Variants in PIP4K2B observed in about 807,000 individuals in gnomAD.
The protein encoded by PIP4K2B is phosphatidylinositol 5-phosphate 4-kinase type-2 beta.
In PIP4K2B, 3 loss-of-function variants were observed where a neutral mutation model predicts 42.0. That is an observed-to-expected ratio of 0.07 (90% confidence interval 0.03 to 0.18). PIP4K2B has a LOEUF of 0.18. PIP4K2B is among the 10% of genes least tolerant of loss of function. The probability of loss-of-function intolerance (pLI) is 1.00; values close to 1 mark genes in which losing one functional copy is unlikely to be tolerated. For missense variants in PIP4K2B, 332 were observed against 562.3 expected (o/e 0.59, Z 4.14); for synonymous variants, 204 against 210.1 (o/e 0.97, Z 0.25).
chr17:38,788,861 G>C (rs549803897), intron 1 of PIP4K2B, among the ~76,000 whole-genome samples: 1 of 139,398 alleles, frequency 7.2e-6, no homozygotes, highest in South Asian at 2.3e-4. Flanking sequence ...GCTGAGGCAG[G>C]AGAATCGTTT....
intron 1 of PIP4K2B, among the ~76,000 whole-genome samples, chr17:38,797,123 G>C (rs1910693639): frequency 6.6e-6 from 1 of 152,198 alleles, no homozygotes; most frequent in South Asian, 2.1e-4. Flanking sequence ...CCAGAGGCAC[G>C]GATCTTGCTT....
chr17:38,772,614 GCT>G (rs1046242559), intron 7 of PIP4K2B, among the ~76,000 whole-genome samples: 2 of 152,126 alleles, frequency 1.3e-5, no homozygotes, highest in African/African-American at 4.8e-5. Flanking sequence ...ACAGAGTCTT[GCT>G]CTGTCACCAG....
intron 1 of PIP4K2B, among the ~76,000 whole-genome samples, chr17:38,794,283 A>T (rs1910500640): frequency 6.6e-6 from 1 of 152,164 alleles, no homozygotes; most frequent in East Asian, 1.9e-4. Flanking sequence ...TCCAATTCAT[A>T]GAAACAAAGA....
intron 1 of PIP4K2B, among the ~76,000 whole-genome samples, chr17:38,790,426 C>A (rs1456931635): frequency 6.6e-6 from 1 of 152,300 alleles, no homozygotes; most frequent in South Asian, 2.1e-4. Flanking sequence ...GTGGCTCACG[C>A]CTATAATCCC....
chr17:38,798,061 A>C (rs1239922166), intron 1 of PIP4K2B, among the ~76,000 whole-genome samples: 1 of 152,180 alleles, frequency 6.6e-6, no homozygotes, highest in African/African-American at 2.4e-5. Context: ...ATTACGGTTC[A>C]TCGATCTCCA....
intron 1 of PIP4K2B, among the ~76,000 whole-genome samples, chr17:38,789,776 G>A (rs1051655762): frequency 6.6e-6 from 1 of 152,310 alleles, no homozygotes; most frequent in Non-Finnish European, 1.5e-5. Context: ...CGTGCTTTGA[G>A]AGGGATGCTG....
At chr17:38,790,592 G>A (rs551502280) in intron 1 of PIP4K2B, among the ~76,000 whole-genome samples, 1 of 152,166 alleles carries the variant, frequency 6.6e-6, no homozygotes, top group Non-Finnish European at 1.5e-5. Flanking sequence ...CTGAGTAGCT[G>A]GGATTACAGG....
chr17:38,770,966 G>C, intron 8 of PIP4K2B, 48 bp downstream of exon 8: 3 of 1,604,476 alleles, frequency 1.9e-6, no homozygotes, highest in Non-Finnish European at 2.6e-6. Flanking sequence ...AGCTGAGGGG[G>C]TAGGATGAGG....
At chr17:38,791,066 G>A (rs1442377402) in intron 1 of PIP4K2B, among the ~76,000 whole-genome samples, 3 of 151,734 alleles carry the variant, frequency 2.0e-5, no homozygotes, top group Non-Finnish European at 4.4e-5. Flanking sequence ...AATCTCATCA[G>A]GGAGATGAAA....
chr17:38,779,563 G>T, intron 4 of PIP4K2B, 34 bp from the exon 5 acceptor site: 1 of 1,595,638 alleles, frequency 6.3e-7, no homozygotes, highest in Non-Finnish European at 8.6e-7. Context: ...GAGGACTAAG[G>T]AACAGGCAGT....
At chr17:38,772,640 G>C (rs1909109901) in intron 7 of PIP4K2B, among the ~76,000 whole-genome samples, 2 of 152,146 alleles carry the variant, frequency 1.3e-5, no homozygotes, top group Admixed American at 1.3e-4. Flanking sequence ...AGAGTGCACT[G>C]GTGCAATCTC....
chr17:38,781,861 G>A (rs999554324), intron 3 of PIP4K2B, among the ~76,000 whole-genome samples: 1 of 151,614 alleles, frequency 6.6e-6, no homozygotes, highest in Admixed American at 6.6e-5. Flanking sequence ...CACCCAAACT[G>A]GAGTATAGTG....
intron 1 of PIP4K2B, among the ~76,000 whole-genome samples, chr17:38,787,169 G>A (rs900861163): frequency 1.3e-5 from 2 of 152,122 alleles, no homozygotes; most frequent in African/African-American, 4.8e-5. Context: ...CCAAGTAGCT[G>A]GGACTACAGG....
At position 38,768,406 on chromosome 17, in the gene PIP4K2B, A is replaced by C. The variant is rs1908819265; in HGVS notation, c.*1285T>G. On this transcript the variant is annotated 3_prime_UTR_variant, in exon 10 of 10. Coordinates refer to ENST00000619039, the MANE Select transcript of PIP4K2B (RefSeq NM_003559.5). Reference sequence around the variant, plus strand: ...AAAAGTCTAGAGCGGGGCAACAAGGAAAAACAGCCCCAAGGCTGAGGCCAG... The same window carrying C: ...AAAAGTCTAGAGCGGGGCAACAAGGCAAAACAGCCCCAAGGCTGAGGCCAG... The C allele has an allele frequency of 6.5e-6, 1 of 152,934 alleles. No individual in the cohort carries two copies. Among genetic ancestry groups the C allele is most frequent in the Non-Finnish European group, 1.5e-5 (1 of 68,050 alleles). 9.5% of individuals were successfully genotyped at this position (152,934 alleles called of 1,614,324 possible).
chr17:38,784,120 G>A, intron 3 of PIP4K2B, 123 bp downstream of exon 3: 1 of 636,742 alleles, frequency 1.6e-6, no homozygotes, highest in Admixed American at 2.7e-5. Context: ...CTGGGCTGGA[G>A]CAAGGCATGA....
chr17:38,772,725 G>C (rs1173061030), intron 7 of PIP4K2B, among the ~76,000 whole-genome samples: 1 of 152,088 alleles, frequency 6.6e-6, no homozygotes, highest in Non-Finnish European at 1.5e-5. Flanking sequence ...GGGACTTCAG[G>C]CATGCACCAC....
intron 1 of PIP4K2B, among the ~76,000 whole-genome samples, chr17:38,787,674 A>T (rs575834655): frequency 1.7e-4 from 26 of 152,096 alleles, no homozygotes; most frequent in African/African-American, 5.8e-4. Context: ...GCTCACTGCA[A>T]TCTCCACCTC....
At position 38,774,612 on chromosome 17, in the gene PIP4K2B, C is replaced by CA. The variant is rs1474466046; in HGVS notation, c.807+3074dup. Among the ~76,000 whole-genome samples, 42 of 151,310 alleles carry CA rather than the reference C, an allele frequency of 2.8e-4. No individual in the cohort carries two copies. The East Asian group carries it at 6.5e-3, about 23-fold the overall frequency. Reference sequence around the variant, plus strand: ...TGAAACCCCATCTCTACTAAAAATACAAAAAAAACTAGCTGGGCATGGTGG... The same window carrying CA: ...TGAAACCCCATCTCTACTAAAAATACAAAAAAAAACTAGCTGGGCATGGTGG... On this transcript the variant is annotated intron_variant, in intron 7 of 9. Transcript: ENST00000619039.
intron 1 of PIP4K2B, among the ~76,000 whole-genome samples, chr17:38,788,682 C>A (rs994563114): frequency 2.0e-5 from 3 of 151,290 alleles, no homozygotes; most frequent in Non-Finnish European, 2.9e-5. Context: ...CACAGCAAGA[C>A]CCTATCTCTA....
Sources: allele counts gnomAD v4.1 joint callset (sites outside exome capture counted in the v4.1 genomes callset), GRCh38; gene constraint gnomAD v4.1.1; transcripts MANE v1.5; gene names NCBI Gene and HGNC (gene_info 2026-07-23, HGNC 2026-07-21).